The following GALNS variants were observed in gnomAD, a reference collection of about 807,000 sequenced individuals.
GALNS encodes galactosamine (N-acetyl)-6-sulfatase.
Under a neutral mutation model 65.9 loss-of-function variants are expected in GALNS, and 65 were observed. The ratio of observed to expected loss-of-function variants is 0.99; its 90% confidence interval spans 0.81 to 1.21. The LOEUF is 1.21. GALNS is among the 50% of genes most tolerant of loss of function. GALNS has a pLI of 0.00. For synonymous variants in GALNS, 346 were observed against 288.9 expected, an observed-to-expected ratio of 1.20 and a Z score of -2.00; for missense variants, 776 against 700.7, an observed-to-expected ratio of 1.11 and a Z score of -1.21.
At chr16:88,826,519 G>A (rs1481118659) in intron 10 of GALNS, among the ~76,000 whole-genome samples, 183 bp downstream of exon 10, 2 of 152,120 alleles carry the variant, frequency 1.3e-5, no homozygotes, top group Non-Finnish European at 2.9e-5. Context: ...GATGGCCCCT[G>A]CCCCACAGGC....
At chr16:88,817,048 C>T (rs561650035) in intron 13 of GALNS, 33 of 985,442 alleles carry the variant, frequency 3.3e-5, no homozygotes, top group Middle Eastern at 5.2e-4. Flanking sequence ...GAGCGAGGGC[C>T]GCACGTGTCC....
chr16:88,837,891 G>C, intron 4 of GALNS, 126 bp from the exon 5 acceptor site: 1 of 974,016 alleles, frequency 1.0e-6, no homozygotes, highest in South Asian at 1.4e-5. Context: ...CTGAGTATGG[G>C]CTATGCCTGG....
chr16:88,841,478 C>T (rs1277225517), intron 3 of GALNS, among the ~76,000 whole-genome samples: 1 of 152,200 alleles, frequency 6.6e-6, no homozygotes, highest in Admixed American at 6.5e-5. Flanking sequence ...CCGTCCTTCC[C>T]TTTCCTCAAA....
intron 8 of GALNS, among the ~76,000 whole-genome samples, chr16:88,833,486 C>G (rs1911738527): frequency 6.8e-6 from 1 of 147,148 alleles, no homozygotes; most frequent in African/African-American, 2.5e-5. Context: ...GAGTCTCGCT[C>G]TGTCGCCCAG....
intron 1 of GALNS, among the ~76,000 whole-genome samples, chr16:88,846,195 C>T (rs1967234387): frequency 6.6e-6 from 1 of 152,184 alleles, no homozygotes; most frequent in Non-Finnish European, 1.5e-5. Flanking sequence ...GAAATCATGG[C>T]CCCAGTGTAG....
intron 1 of GALNS, chr16:88,856,216 G>A (rs1414455018): frequency 2.8e-6 from 2 of 703,038 alleles, no homozygotes; most frequent in Non-Finnish European, 5.2e-6. Context: ...CCTTCGCTCA[G>A]CATTCTCCAG....
chr16:88,852,369 C>G (rs1460922562), intron 1 of GALNS, among the ~76,000 whole-genome samples: 2 of 152,168 alleles, frequency 1.3e-5, no homozygotes, highest in African/African-American at 4.8e-5. Flanking sequence ...CGCCAAAACC[C>G]CATCTTTAGG....
intron 12 of GALNS, among the ~76,000 whole-genome samples, chr16:88,822,185 A>G (rs929664289): frequency 6.6e-6 from 1 of 152,078 alleles, no homozygotes; most frequent in Non-Finnish European, 1.5e-5. Context: ...GGGTGAGGAC[A>G]AGGCCCAGAG....
At chr16:88,853,633 G>A (rs1191049388) in intron 1 of GALNS, among the ~76,000 whole-genome samples, 1 of 152,218 alleles carries the variant, frequency 6.6e-6, no homozygotes, top group Non-Finnish European at 1.5e-5. Context: ...CTGTGTGTGG[G>A]CCAGAGTGGA....
At chr16:88,843,396 C>G (rs1967079957) in intron 1 of GALNS, 4 of 398,048 alleles carry the variant, frequency 1.0e-5, no homozygotes, top group South Asian at 8.2e-5. Flanking sequence ...TCCAGGGCAG[C>G]ACGACTCAGT....
intron 4 of GALNS, among the ~76,000 whole-genome samples, chr16:88,839,338 G>A (rs1206205542): frequency 6.6e-6 from 1 of 152,202 alleles, no homozygotes; most frequent in African/African-American, 2.4e-5. Flanking sequence ...GTGCTTCCAC[G>A]TCCGCAGCAC....
intron 1 of GALNS, among the ~76,000 whole-genome samples, chr16:88,853,821 C>G (rs189087993): frequency 1.3e-5 from 2 of 152,226 alleles, no homozygotes; most frequent in East Asian, 3.9e-4. Flanking sequence ...CAGGTAGACC[C>G]GTCCTTGCCC....
intron 8 of GALNS, among the ~76,000 whole-genome samples, chr16:88,832,963 A>AGCT (rs749650099): frequency 9.3e-5 from 14 of 151,272 alleles, no homozygotes; most frequent in Admixed American, 2.0e-4. Context: ...CTGTAGTCCC[A>AGCT]GCTACTCAGG....
At chr16:88,817,160 C>A (rs969619983) in intron 13 of GALNS, 2 of 985,346 alleles carry the variant, frequency 2.0e-6, no homozygotes, top group African/African-American at 3.5e-5. Context: ...GCTGGGCCGT[C>A]CACATGCCAC....
chr16:88,833,359 C>A (rs923858870), intron 8 of GALNS, among the ~76,000 whole-genome samples: 13 of 152,080 alleles, frequency 8.5e-5, no homozygotes, highest in Non-Finnish European at 1.6e-4. Context: ...GCTGGGGACA[C>A]TGGCCACTTC....
chr16:88,824,521 G>A (rs940320224), intron 11 of GALNS, among the ~76,000 whole-genome samples: 8 of 152,122 alleles, frequency 5.3e-5, no homozygotes, highest in African/African-American at 1.9e-4. Context: ...GGCCACGCCT[G>A]TAGCTATGCC....
intron 8 of GALNS, among the ~76,000 whole-genome samples, chr16:88,833,708 C>T (rs992480976): frequency 5.9e-5 from 9 of 152,160 alleles, no homozygotes; most frequent in Non-Finnish European, 1.3e-4. Flanking sequence ...CCTCAGCCTC[C>T]CAAAGTGCTG....
intron 1 of GALNS, 112 bp from the exon 2 acceptor site, chr16:88,842,941 C>T (rs1967050225): frequency 6.5e-7 from 1 of 1,540,002 alleles, no homozygotes; most frequent in Non-Finnish European, 8.7e-7. Context: ...GCCAGCACCA[C>T]CCTGTGTCCC....
At chr16:88,853,899 C>G (rs1008995411) in intron 1 of GALNS, among the ~76,000 whole-genome samples, 3 of 152,232 alleles carry the variant, frequency 2.0e-5, no homozygotes, top group Admixed American at 6.5e-5. Flanking sequence ...CCAGCTTCCC[C>G]TTCTGGTCCC....
Sources: gnomAD v4.1 joint callset for allele counts (sites outside exome capture counted in the v4.1 genomes callset) on GRCh38, gnomAD v4.1.1 for gene constraint, MANE v1.5 for transcripts, NCBI Gene and HGNC (gene_info 2026-07-23, HGNC 2026-07-21) for gene names.